The following MIA2 variants were observed in gnomAD, a reference collection of about 807,000 sequenced individuals.
MIA2 encodes melanoma inhibitory activity protein 2.
MIA2 carries 127 observed loss-of-function variants against 167.8 expected under a neutral mutation model. The ratio of observed to expected loss-of-function variants is 0.76; its 90% confidence interval spans 0.66 to 0.88. The LOEUF is 0.88. Among genes scored for constraint, MIA2 ranks in the 40% least tolerant of loss-of-function variants. MIA2 has a pLI of 0.00. For missense variants in MIA2, 1,690 were observed against 1,624.7 expected (o/e 1.04, Z -0.69); for synonymous variants, 552 against 541.9 (o/e 1.02, Z -0.26).
At chr14:39,372,876 G>C (rs755831983) in intron 23 of MIA2, among the ~76,000 whole-genome samples, 1 of 152,146 alleles carries the variant, frequency 6.6e-6, no homozygotes. Context: ...CTCACAGCTT[G>C]TCCATAGACA....
chr14:39,289,593 A>T (rs1288919504), intron 9 of MIA2, among the ~76,000 whole-genome samples: 4 of 152,184 alleles, frequency 2.6e-5, no homozygotes, highest in African/African-American at 9.7e-5. Flanking sequence ...GGTGTAAAAC[A>T]ACACACATTT....
intron 23 of MIA2, among the ~76,000 whole-genome samples, chr14:39,372,377 A>C (rs890771356): frequency 6.6e-6 from 1 of 152,206 alleles, no homozygotes; most frequent in Non-Finnish European, 1.5e-5. Flanking sequence ...TTGTTCTTAC[A>C]TCAAAGATCT....
intron 10 of MIA2, 81 bp from the exon 11 acceptor site, chr14:39,293,190 A>G (rs2060964159): frequency 3.2e-6 from 3 of 923,758 alleles, no homozygotes; most frequent in Non-Finnish European, 5.1e-6. Context: ...AACTTATAGT[A>G]CATATTTTTT....
intron 24 of MIA2, among the ~76,000 whole-genome samples, chr14:39,322,973 TAAATC>T (rs1242215988): frequency 2.6e-5 from 4 of 152,136 alleles, no homozygotes; most frequent in Non-Finnish European, 5.9e-5. Context: ...AACACCAAAT[TAAATC>T]CAACAAATCA....
At chr14:39,298,828 A>AAT (rs2061919368) in intron 13 of MIA2, among the ~76,000 whole-genome samples, 1 of 151,326 alleles carries the variant, frequency 6.6e-6, no homozygotes, top group Admixed American at 6.6e-5. Flanking sequence ...TAACACCTGT[A>AAT]ATCTCAGTGA....
At chr14:39,356,421 G>A (rs557404824) in intron 23 of MIA2, among the ~76,000 whole-genome samples, 2 of 150,908 alleles carry the variant, frequency 1.3e-5, no homozygotes, top group South Asian at 4.2e-4. Flanking sequence ...ATTTTTTATT[G>A]TGTCCGTTTG....
chr14:39,259,918 C>T (rs1447746904), intron 6 of MIA2, among the ~76,000 whole-genome samples: 3 of 152,040 alleles, frequency 2.0e-5, no homozygotes, highest in South Asian at 2.1e-4. Flanking sequence ...TCCAAGCGTT[C>T]TCATTGTTCA....
chr14:39,380,968 T>C (rs2075147042), intron 23 of MIA2, among the ~76,000 whole-genome samples: 1 of 151,720 alleles, frequency 6.6e-6, no homozygotes, highest in South Asian at 2.1e-4. Context: ...ACTATGTCCT[T>C]TCTTAAACAC....
intron 6 of MIA2, chr14:39,267,656 G>A: frequency 2.8e-6 from 3 of 1,062,526 alleles, no homozygotes; most frequent in South Asian, 1.5e-5. Context: ...TCTGCTGCCC[G>A]GCTCCCGCCC....
intron 23 of MIA2, among the ~76,000 whole-genome samples, chr14:39,359,992 GTTTTTTTTT>G (rs58076493): frequency 7.8e-6 from 1 of 128,818 alleles, no homozygotes; most frequent in Non-Finnish European, 1.7e-5. Flanking sequence ...TCTGCAGCAT[GTTTTTTTTT>G]TTTTTTTTTT....
intron 25 of MIA2, among the ~76,000 whole-genome samples, chr14:39,337,627 A>G (rs1357828676): frequency 2.6e-5 from 4 of 152,220 alleles, no homozygotes; most frequent in Admixed American, 6.5e-5. Flanking sequence ...ATAATAAACT[A>G]TTGATACATG....
chr14:39,313,267 T>TC, intron 18 of MIA2, 73 bp from the exon 19 acceptor site: 1 of 735,668 alleles, frequency 1.4e-6, no homozygotes, highest in Admixed American at 2.9e-5. Flanking sequence ...ACCAGTTTTT[T>TC]CACAATTAAA....
chr14:39,301,469 A>G (rs1166782908), intron 14 of MIA2, among the ~76,000 whole-genome samples: 1 of 152,218 alleles, frequency 6.6e-6, no homozygotes, highest in Non-Finnish European at 1.5e-5. Flanking sequence ...CTCTGCTCAA[A>G]GGTATAGGCC....
At chr14:39,321,803 C>G (rs943194522) in intron 24 of MIA2, among the ~76,000 whole-genome samples, 3 of 146,814 alleles carry the variant, frequency 2.0e-5, no homozygotes, top group Non-Finnish European at 3.0e-5. Flanking sequence ...TCTTGTTGCT[C>G]AGGCTGGAAT....
At chr14:39,329,459 T>C (rs1484400358) in intron 25 of MIA2, among the ~76,000 whole-genome samples, 2 of 152,178 alleles carry the variant, frequency 1.3e-5, no homozygotes, top group Non-Finnish European at 2.9e-5. Context: ...TTTATTTCTC[T>C]TGCCTGATTG....
At chr14:39,269,262 A>G (rs1034187192) in intron 6 of MIA2, among the ~76,000 whole-genome samples, 1 of 151,660 alleles carries the variant, frequency 6.6e-6, no homozygotes, top group South Asian at 2.1e-4. Flanking sequence ...TGTTAAATTC[A>G]CTATGTTATG....
At chr14:39,263,107 A>T (rs2055207453) in intron 6 of MIA2, among the ~76,000 whole-genome samples, 1 of 152,132 alleles carries the variant, frequency 6.6e-6, no homozygotes, top group Non-Finnish European at 1.5e-5. Context: ...TTTCAAAGGG[A>T]ATGCTTCCAG....
chr14:39,244,819 C>A (rs571666242), intron 3 of MIA2, among the ~76,000 whole-genome samples: 14 of 151,864 alleles, frequency 9.2e-5, no homozygotes, highest in Admixed American at 8.5e-4. Context: ...ACTCTGTCAC[C>A]AAGGCTGGAG....
At chr14:39,291,500 C>T (rs574880609) in intron 10 of MIA2, among the ~76,000 whole-genome samples, 134 of 152,286 alleles carry the variant, frequency 8.8e-4, no homozygotes, top group African/African-American at 2.8e-3. Flanking sequence ...TAAATTATGA[C>T]AGTATTTGCT....
Sources: gnomAD v4.1 joint callset for allele counts (sites outside exome capture counted in the v4.1 genomes callset) on GRCh38, gnomAD v4.1.1 for gene constraint, MANE v1.5 for transcripts, NCBI Gene and HGNC (gene_info 2026-07-23, HGNC 2026-07-21) for gene names.